The following PER3 variants were observed in gnomAD, a reference collection of about 807,000 sequenced individuals.
The protein encoded by PER3 is period circadian regulator 3.
A neutral mutation model predicts 127.2 loss-of-function variants in PER3; 107 were observed. That is an observed-to-expected ratio of 0.84 (90% confidence interval 0.72 to 0.99). The LOEUF (loss-of-function observed/expected upper bound fraction) is 0.99, where lower values mean the gene tolerates loss of function less well. Among genes scored for constraint, PER3 ranks in the 50% least tolerant of loss-of-function variants. The pLI is 0.00. For synonymous variants in PER3, 618 were observed against 585.8 expected (o/e 1.05, Z -0.79); for missense variants, 1,560 against 1,525.8 (o/e 1.02, Z -0.37).
At chr1:7,788,415 A>G (rs532271119) in intron 5 of PER3, 169 bp downstream of exon 5, 1 of 598,506 alleles carries the variant, frequency 1.7e-6, no homozygotes, top group South Asian at 2.1e-5. Context: ...AAAGCTTCTG[A>G]TAACATACTC....
intron 10 of PER3, among the ~76,000 whole-genome samples, chr1:7,804,697 C>T (rs1001920062): frequency 5.9e-5 from 9 of 151,788 alleles, no homozygotes; most frequent in Admixed American, 1.3e-4. Flanking sequence ...CCACTGCGCC[C>T]GGACTGTGTC....
chr1:7,808,392 T>A (rs1454535366), intron 10 of PER3, among the ~76,000 whole-genome samples: 1 of 152,176 alleles, frequency 6.6e-6, no homozygotes, highest in African/African-American at 2.4e-5. Context: ...GCTCTAAAAT[T>A]TGAGTATAAA....
At chr1:7,790,514 G>A (rs960454313) in intron 5 of PER3, among the ~76,000 whole-genome samples, 2 of 152,178 alleles carry the variant, frequency 1.3e-5, no homozygotes, top group African/African-American at 4.8e-5. Context: ...TTCAAGATGA[G>A]ATTTGGGTGG....
At chr1:7,834,432 AGTT>A (rs1459268397) in intron 19 of PER3, among the ~76,000 whole-genome samples, 1 of 152,072 alleles carries the variant, frequency 6.6e-6, no homozygotes, top group African/African-American at 2.4e-5. Flanking sequence ...AACCTCTTAA[AGTT>A]GTTTTGTGTG....
intron 21 of PER3, among the ~76,000 whole-genome samples, chr1:7,838,565 T>C (rs185661013): frequency 2.1e-4 from 32 of 152,306 alleles, no homozygotes; most frequent in African/African-American, 7.5e-4. Flanking sequence ...CACACCACCA[T>C]GCCCAGCTAA....
chr1:7,826,461 A>T lies in PER3; in HGVS notation c.1958-19A>T, dbSNP rs372521353. ...TAATTGATAGGAATTAAAATTAAAT[A>T]TGTCTTCTTCCACCTCAGCCAGGGA... is the stretch of plus-strand genomic sequence containing the variant. On this transcript the variant is annotated intron_variant, in intron 16 of 21. Coordinates refer to ENST00000377532, the MANE Select transcript of PER3 (RefSeq NM_001377275.1). This position sits in a 1 kb window ranked among gnomAD's most constrained non-coding sequence, Gnocchi z 4.2. The T allele has an allele frequency of 8.9e-6, 12 of 1,350,736 alleles. No homozygotes were observed. In the African/African-American group the frequency reaches 1.4e-4, roughly 16 times the overall value. The allele number at this position is 1,350,736 out of a possible 1,614,324, so 83.7% of individuals were successfully genotyped here. A position where few individuals can be genotyped will look rare whatever the true frequency, so the allele number is the denominator to read the frequency against.
rs56279930 is a variant in PER3, at chr1:7,788,907, GAA to G, written c.592+677_592+678del. Among the ~76,000 whole-genome samples the G allele has an allele frequency of 9.9e-3, 1,401 of 141,770 alleles. 16 individuals carry two copies. The highest frequency in any genetic ancestry group is 0.02 in the African/African-American group (785 of 38,298). 93.0% of individuals were successfully genotyped at this position (141,770 alleles called of 152,430 possible). A position where few individuals can be genotyped will look rare whatever the true frequency, so the allele number is the denominator to read the frequency against. On this transcript the variant is annotated intron_variant, in intron 5 of 21. Coordinates refer to ENST00000377532, the MANE Select transcript of PER3 (RefSeq NM_001377275.1). Reference sequence around the variant, plus strand: ...CGACAAGCGTGAAACTGTTTCTGGGGAAAAAAAAAAAAAAAAATTCAGATCAT... The same window carrying G: ...CGACAAGCGTGAAACTGTTTCTGGGGAAAAAAAAAAAAAAATTCAGATCAT...
Position 7,826,363 on chromosome 1 carries a change from C to T in PER3, c.1958-117C>T, listed in dbSNP as rs924811906. The stretch of plus-strand genomic sequence containing the variant: ...CTGTGCTAGGCTAATGAAGATTTTT[C>T]GTATTCCAGCAGTTATAATAATGTT... On this transcript the variant is annotated intron_variant, in intron 16 of 21. Coordinates refer to ENST00000377532, the MANE Select transcript of PER3 (RefSeq NM_001377275.1). The surrounding 1 kb of genome is among the most constrained non-coding windows in gnomAD (Gnocchi z 4.2). The T allele has an allele frequency of 1.4e-5, 9 of 643,280 alleles. No individual in the cohort carries two copies. The highest frequency in any genetic ancestry group is 1.7e-5 in the Non-Finnish European group (6 of 360,720). 39.8% of individuals were successfully genotyped at this position (643,280 alleles called of 1,614,324 possible).
intron 19 of PER3, among the ~76,000 whole-genome samples, chr1:7,833,612 C>G (rs556269516): frequency 6.6e-6 from 1 of 152,092 alleles, no homozygotes; most frequent in Non-Finnish European, 1.5e-5. Flanking sequence ...TTACTTTCAA[C>G]TTATCTGTGT....
intron 5 of PER3, among the ~76,000 whole-genome samples, chr1:7,790,839 A>G (rs188456871): frequency 7.7e-4 from 117 of 152,362 alleles, no homozygotes; most frequent in African/African-American, 2.7e-3. Flanking sequence ...TCTGAAATCC[A>G]CTGAAGCAAT....
At position 7,835,936 on chromosome 1, in the gene PER3, T is replaced by A; in HGVS notation, c.3389T>A (p.Val1130Glu). 6.3e-7 allele frequency: 1 copy of A among 1,588,700 alleles called. No individual in the cohort carries two copies. The highest frequency in any genetic ancestry group is 8.6e-7 in the Non-Finnish European group (1 of 1,161,654). The change falls in exon 20 of 22, where the codon GTA becomes GAA. Residue 1130 changes from valine (V) to glutamate (E), a missense_variant. By Grantham distance (121) the Val-to-Glu change is moderately radical. This residue lies in a region of PER3 where 199 missense variants were observed against 198.6 expected (regional missense o/e 1.00). Transcript: ENST00000377532. ...TPERILMTYQ[V>E]PERVKEVVLK... ...GAGCGCATTCTCATGACATACCAGG[T>A]ACCTGAGAGGTAAGAAAGCACTTTA... is the stretch of plus-strand genomic sequence containing the variant.
chr1:7,789,798 C>T (rs1003488243), intron 5 of PER3, among the ~76,000 whole-genome samples: 6 of 152,134 alleles, frequency 3.9e-5, no homozygotes, highest in African/African-American at 1.2e-4. Flanking sequence ...TAGATTGCCC[C>T]ATCTTTTAAA....
intron 6 of PER3, 64 bp from the exon 7 acceptor site, chr1:7,798,461 C>G (rs1351932375): frequency 2.4e-6 from 3 of 1,253,342 alleles, no homozygotes; most frequent in African/African-American, 3.0e-5. Flanking sequence ...TTTCTCCCAG[C>G]CTTGTTTCGC....
chr1:7,785,136 C>T, intron 2 of PER3, 131 bp downstream of exon 2: 1 of 978,376 alleles, frequency 1.0e-6, no homozygotes, highest in Non-Finnish European at 1.5e-6. Flanking sequence ...GAGACTCGGG[C>T]AATGTAGGAT....
chr1:7,813,253 G>A (rs761997199), intron 13 of PER3, among the ~76,000 whole-genome samples: 1 of 152,170 alleles, frequency 6.6e-6, no homozygotes, highest in Non-Finnish European at 1.5e-5. Context: ...GAGAGAAGAG[G>A]ACCCTTAAGT....
chr1:7,791,124 G>C (rs1195404837), intron 5 of PER3, among the ~76,000 whole-genome samples: 1 of 152,254 alleles, frequency 6.6e-6, no homozygotes. Context: ...CCCCAGTGAA[G>C]ACTGTGTGGG....
intron 19 of PER3, among the ~76,000 whole-genome samples, chr1:7,835,268 T>A (rs1398627802): frequency 6.6e-6 from 1 of 152,188 alleles, no homozygotes; most frequent in Admixed American, 6.5e-5. Context: ...CTGTATGTAT[T>A]TGGCGACTTG....
chr1:7,794,199 C>T (rs1451294553), intron 6 of PER3, among the ~76,000 whole-genome samples, 191 bp downstream of exon 6: 1 of 152,046 alleles, frequency 6.6e-6, no homozygotes, highest in Non-Finnish European at 1.5e-5. Context: ...GATAATAATG[C>T]AATAGGAGGC....
At chr1:7,807,647 G>A (rs977316755) in intron 10 of PER3, among the ~76,000 whole-genome samples, 5 of 152,094 alleles carry the variant, frequency 3.3e-5, no homozygotes, top group Non-Finnish European at 4.4e-5. Context: ...TTTGTGTATC[G>A]GGGATAATTC....
Sources: gnomAD v4.1 joint callset for allele counts (sites outside exome capture counted in the v4.1 genomes callset) on GRCh38, gnomAD v4.1.1 for gene constraint, gnomAD v4.1.1 regional missense constraint, Gnocchi (gnomAD v3.1) non-coding constraint, MANE v1.5 for transcripts, NCBI Gene and HGNC (gene_info 2026-07-23, HGNC 2026-07-21) for gene names.